STK11: variants seen among roughly 807,000 people sequenced by gnomAD.
STK11 encodes the protein serine/threonine kinase 11, also known as serine/threonine-protein kinase STK11.
STK11 carries 8 observed loss-of-function variants against 47.3 expected under a neutral mutation model. The ratio of observed to expected loss-of-function variants is 0.17; its 90% confidence interval spans 0.10 to 0.31. STK11 has a LOEUF of 0.31. STK11 is among the 10% of genes least tolerant of loss of function. The pLI is 1.00. For missense variants in STK11, 475 were observed against 605.0 expected (o/e 0.79, Z 2.25); for synonymous variants, 330 against 255.8 (o/e 1.29, Z -2.77).
chr19:1,213,538 G>A (rs2080725894), intron 1 of STK11, among the ~76,000 whole-genome samples: 1 of 152,200 alleles, frequency 6.6e-6, no homozygotes, highest in Non-Finnish European at 1.5e-5. Flanking sequence ...GGCCTTTTGC[G>A]TCCGGCTTGT....
rs1335722804 is a variant in STK11 at position 1,227,927 on chromosome 19, TC to T, written c.*353del. ...GTGCTCCGCAGGGCGCCCAGCGCCGTCCGGCGGCCCCGCCGCAGACCAGCTG... is the reference window on the plus strand; with the variant it reads ...GTGCTCCGCAGGGCGCCCAGCGCCGTCGGCGGCCCCGCCGCAGACCAGCTG... On this transcript the variant is annotated 3_prime_UTR_variant, in exon 10 of 10. Coordinates refer to ENST00000326873, the MANE Select transcript of STK11 (RefSeq NM_000455.5). The T allele has an allele frequency of 9.3e-7, 1 of 1,070,094 alleles. No homozygotes were observed. The highest frequency in any genetic ancestry group is 4.8e-5 in the East Asian group (1 of 20,796). 66.3% of individuals were successfully genotyped at this position (1,070,094 alleles called of 1,614,324 possible). A position where few individuals can be genotyped will look rare whatever the true frequency, so the allele number is the denominator to read the frequency against.
chr19:1,207,476 T>G (rs1389674292), intron 1 of STK11, among the ~76,000 whole-genome samples: 5 of 152,142 alleles, frequency 3.3e-5, no homozygotes, highest in Admixed American at 6.6e-5. Context: ...GAAACCCTCC[T>G]GAGAAGGGAG....
chr19:1,208,597 C>T (rs959030798), intron 1 of STK11, among the ~76,000 whole-genome samples: 12 of 135,072 alleles, frequency 8.9e-5, no homozygotes, highest in Admixed American at 3.2e-4. Context: ...CGTGAGTCAA[C>T]GCGTGCGGCC....
At chr19:1,212,102 C>G (rs549213802) in intron 1 of STK11, among the ~76,000 whole-genome samples, 4 of 152,022 alleles carry the variant, frequency 2.6e-5, no homozygotes, top group Admixed American at 6.6e-5. Context: ...GGGCTGTGCA[C>G]ACAGTGGGCT....
At chr19:1,214,030 C>T (rs1027284307) in intron 1 of STK11, among the ~76,000 whole-genome samples, 1 of 152,250 alleles carries the variant, frequency 6.6e-6, no homozygotes, top group Admixed American at 6.5e-5. Context: ...CTAAACAGTC[C>T]ATGCTGCCTG....
At chr19:1,226,169 G>C (rs1434532582) in intron 8 of STK11, 2 of 1,282,374 alleles carry the variant, frequency 1.6e-6, no homozygotes, top group Non-Finnish European at 2.0e-6. Flanking sequence ...GGTTCCTGCA[G>C]TCAGTACCTG....
At chr19:1,212,746 G>A (rs551404380) in intron 1 of STK11, among the ~76,000 whole-genome samples, 5 of 151,990 alleles carry the variant, frequency 3.3e-5, no homozygotes, top group South Asian at 2.1e-4. Context: ...GGGTTTCACC[G>A]TGTTAGCCAG....
At position 1,206,938 on chromosome 19, in the gene STK11, C is replaced by T. The variant is rs876661079; in HGVS notation, c.25C>T (p.Leu9=). The T allele has an allele frequency of 6.3e-7, 1 of 1,598,336 alleles. No individual in the cohort carries two copies. The highest frequency in any genetic ancestry group is 1.7e-5 in the Admixed American group (1 of 57,522). ...CATGGAGGTGGTGGACCCGCAGCAG[C>T]TGGGCATGTTCACGGAGGGCGAGCT... MEVVDPQQ[L]GMFTEGELMS... The change falls in exon 1 of 10, where the codon CTG becomes TTG. Residue 9 remains leucine (L), a synonymous_variant. Transcript: ENST00000326873.
At chr19:1,220,539 C>T (rs1184935051) in intron 4 of STK11, 34 bp downstream of exon 4, 1 of 1,579,952 alleles carries the variant, frequency 6.3e-7, no homozygotes, top group Non-Finnish European at 8.6e-7. Flanking sequence ...CTGGGGCGCC[C>T]CCTCCCGGGC....
intron 1 of STK11, among the ~76,000 whole-genome samples, chr19:1,209,619 T>A (rs1448676339): frequency 1.3e-5 from 2 of 150,202 alleles, no homozygotes; most frequent in Non-Finnish European, 3.0e-5. Flanking sequence ...AATAAATAAA[T>A]AAATAAATCT....
chr19:1,209,103 G>A (rs868618401), intron 1 of STK11, among the ~76,000 whole-genome samples: 2 of 152,112 alleles, frequency 1.3e-5, no homozygotes, highest in African/African-American at 4.8e-5. Context: ...GGTGTGGCCA[G>A]TGCCTTGAGT....
intron 1 of STK11, among the ~76,000 whole-genome samples, chr19:1,216,809 C>T (rs1862973563): frequency 6.6e-6 from 1 of 150,684 alleles, no homozygotes; most frequent in Non-Finnish European, 1.5e-5. Flanking sequence ...TGCACTCCAG[C>T]CTGGGCGACA....
In STK11 at chr19:1,223,309, C is replaced by T; in HGVS notation, c.1108+137C>T. ...ATCCCACGTCCCCAAAGCCTCCAGC[C>T]CACCTGCAGGCTGCCTCCGCCCTGC... On this transcript the variant is annotated intron_variant, in intron 8 of 9. Coordinates refer to ENST00000326873, the MANE Select transcript of STK11 (RefSeq NM_000455.5). 3 of 1,112,750 alleles carry T rather than the reference C, an allele frequency of 2.7e-6. No individual in the cohort carries two copies. In the South Asian group the frequency reaches 4.5e-5, roughly 17 times the overall value. 68.9% of individuals were successfully genotyped at this position (1,112,750 alleles called of 1,614,324 possible).
At position 1,205,816 on chromosome 19, in the gene STK11, G is replaced by C. The variant is rs886054201; in HGVS notation, c.-1098G>C. The stretch of plus-strand genomic sequence containing the variant: ...TGGCGGCGGCGTGTCGGGCGCGGAA[G>C]GGGGAGGCGGCCCGGGGCGCCCGCG... On this transcript the variant is annotated 5_prime_UTR_variant, in exon 1 of 10. Transcript: ENST00000326873. The C allele has an allele frequency of 1.9e-5, 4 of 207,294 alleles. No individual in the cohort carries two copies. The highest frequency in any genetic ancestry group is 1.2e-4 in the Admixed American group (2 of 16,826). 12.8% of individuals were successfully genotyped at this position (207,294 alleles called of 1,614,324 possible).
intron 1 of STK11, among the ~76,000 whole-genome samples, chr19:1,210,568 C>G (rs2080702827): frequency 6.6e-6 from 1 of 152,196 alleles, no homozygotes; most frequent in African/African-American, 2.4e-5. Context: ...TTCCAAAAAG[C>G]ATCAATGAGT....
intron 1 of STK11, among the ~76,000 whole-genome samples, chr19:1,210,596 A>G (rs1014876693): frequency 6.6e-6 from 1 of 152,220 alleles, no homozygotes; most frequent in Admixed American, 6.5e-5. Context: ...AGGGCTGGGC[A>G]TGTTCGGTCA....
chr19:1,213,904 T>G lies in STK11; in HGVS notation c.291-4513T>G, dbSNP rs966791116. On this transcript the variant is annotated intron_variant, in intron 1 of 9. Coordinates refer to ENST00000326873, the MANE Select transcript of STK11 (RefSeq NM_000455.5). ...CCGGGGCGAGGGCCAGGCCCATCTC[T>G]TCCCTGTATGATCTGTTTCTAGGCA... 5.3e-5 allele frequency among the ~76,000 whole-genome samples: 8 copies of G among 152,222 alleles called. No individual in the cohort carries two copies. In the South Asian group the frequency reaches 1.7e-3, roughly 31 times the overall value.
intron 5 of STK11, 53 bp downstream of exon 5, chr19:1,220,770 C>T (rs1232018433): frequency 2.8e-5 from 43 of 1,555,198 alleles, no homozygotes; most frequent in Non-Finnish European, 3.6e-5. Context: ...CGAGGGGCCT[C>T]TGCGTCTTGG....
In STK11 at chr19:1,226,512, C is replaced by G. The variant is rs547919101; in HGVS notation, c.1167C>G (p.Ala389=). ...GACAGCGCCGGGGCCTCCCCAAGGC[C>G]GTGTGTATGAACGGCACAGAGGCGG... ...HNGQRRGLPK[A]VCMNGTEAAQ... The change falls in exon 9 of 10, where the codon GCC becomes GCG. Residue 389 remains alanine (A), a synonymous_variant. Coordinates refer to ENST00000326873, the MANE Select transcript of STK11 (RefSeq NM_000455.5). The G allele has an allele frequency of 1.7e-5, 27 of 1,610,410 alleles. No individual in the cohort carries two copies. The highest frequency in any genetic ancestry group is 2.2e-5 in the East Asian group (1 of 44,820).
Sources: gnomAD v4.1 joint callset for allele counts (sites outside exome capture counted in the v4.1 genomes callset) on GRCh38, gnomAD v4.1.1 for gene constraint, MANE v1.5 for transcripts, NCBI Gene and HGNC (gene_info 2026-07-23, HGNC 2026-07-21) for gene names.